Variants in SGCD observed in about 807,000 individuals in gnomAD.
SGCD encodes delta-sarcoglycan.
A neutral mutation model predicts 36.6 loss-of-function variants in SGCD; 18 were observed. The observed-to-expected ratio is 0.49, with a 90% CI of 0.34 to 0.73. The LOEUF is 0.73. SGCD is among the 30% of genes least tolerant of loss of function. SGCD has a pLI of 0.01. For missense variants in SGCD, 387 were observed against 346.7 expected, an observed-to-expected ratio of 1.12 and a Z score of -0.92; for synonymous variants, 133 against 130.6, an observed-to-expected ratio of 1.02 and a Z score of -0.12.
At chr5:155,899,342 G>A (rs184287343) in intron 1 of SGCD, among the ~76,000 whole-genome samples, 44 of 152,258 alleles carry the variant, frequency 2.9e-4, no homozygotes, top group African/African-American at 9.4e-4. Flanking sequence ...AATAATATCC[G>A]TGTGGCAGGT....
chr5:155,925,433 A>G (rs1248968825), intron 1 of SGCD, among the ~76,000 whole-genome samples: 1 of 152,184 alleles, frequency 6.6e-6, no homozygotes, highest in African/African-American at 2.4e-5. Context: ...TGCAGGCTCA[A>G]GCAAAGGATT....
chr5:156,251,482 T>C (rs1032703031), intron 3 of SGCD, among the ~76,000 whole-genome samples: 4 of 151,818 alleles, frequency 2.6e-5, no homozygotes, highest in Non-Finnish European at 5.9e-5. Flanking sequence ...TTCAGTGTTT[T>C]GTATTTTTGT....
Position 156,163,350 on chromosome 5 carries a change from G to A in SGCD, c.-44+39331G>A, listed in dbSNP as rs180805982. ...GAACCCTGTCAGAGTCCATGTTTCCGTAGGAGCCCATCAGAGCCATGGAGG... is the reference window on the plus strand; with the variant it reads ...GAACCCTGTCAGAGTCCATGTTTCCATAGGAGCCCATCAGAGCCATGGAGG... On this transcript the variant is annotated intron_variant, in intron 3 of 9. Transcript: ENST00000517913. Among the ~76,000 whole-genome samples the A allele has an allele frequency of 2.3e-4, 35 of 151,634 alleles. 1 individual carries two copies. Among genetic ancestry groups the A allele is most frequent in the African/African-American group, 7.8e-4 (32 of 40,992 alleles).
chr5:155,729,376 T>G, the SGCD span, among the ~76,000 whole-genome samples: 1 of 152,210 alleles, frequency 6.6e-6, no homozygotes, highest in Non-Finnish European at 1.5e-5. Context: ...CTAAGCGCGC[T>G]TCACTAAAGA....
At chr5:156,214,884 G>A (rs1764535077) in intron 3 of SGCD, among the ~76,000 whole-genome samples, 1 of 151,980 alleles carries the variant, frequency 6.6e-6, no homozygotes. Flanking sequence ...TGGGATAAAT[G>A]GATATCCACA....
At chr5:156,354,749 T>C (rs1769419729) in intron 3 of SGCD, among the ~76,000 whole-genome samples, 1 of 152,210 alleles carries the variant, frequency 6.6e-6, no homozygotes, top group East Asian at 1.9e-4. Flanking sequence ...CACAAGGATC[T>C]GTTCATGCTG....
chr5:156,503,059 T>G (rs1172270571), intron 3 of SGCD, among the ~76,000 whole-genome samples: 1 of 152,222 alleles, frequency 6.6e-6, no homozygotes, highest in Non-Finnish European at 1.5e-5. Context: ...TTTGGCATGT[T>G]TGAGGTGAGT....
At chr5:156,179,213 A>G (rs968170725) in intron 3 of SGCD, among the ~76,000 whole-genome samples, 1 of 151,904 alleles carries the variant, frequency 6.6e-6, no homozygotes, top group Non-Finnish European at 1.5e-5. Context: ...CTATATACAT[A>G]TAGTTTTTTT....
In SGCD at chr5:156,657,447, C is replaced by T. The variant is rs1365088890; in HGVS notation, c.575+9911C>T. On this transcript the variant is annotated intron_variant, in intron 7 of 8. Transcript: ENST00000337851. Reference sequence around the variant, plus strand: ...GAGTGTGATGTTCCCCTTCCTGTGTCCATGTGTTCTCATTAAAAACATACA... The same window carrying T: ...GAGTGTGATGTTCCCCTTCCTGTGTTCATGTGTTCTCATTAAAAACATACA... Among the ~76,000 whole-genome samples the T allele has an allele frequency of 2.1e-5, 3 of 139,848 alleles. No homozygotes were observed. In the East Asian group the frequency reaches 6.9e-4, roughly 32 times the overall value. The allele number at this position is 139,848 out of a possible 152,430, so 91.7% of individuals were successfully genotyped here. A position where few individuals can be genotyped will look rare whatever the true frequency, so the allele number is the denominator to read the frequency against.
intron 6 of SGCD, among the ~76,000 whole-genome samples, chr5:156,646,785 T>A (rs997898031): frequency 6.6e-6 from 1 of 152,196 alleles, no homozygotes; most frequent in Non-Finnish European, 1.5e-5. Flanking sequence ...ATCAGATAAT[T>A]GCTATCTTTA....
At chr5:156,606,288 T>C (rs1209660244) in intron 6 of SGCD, among the ~76,000 whole-genome samples, 1 of 152,224 alleles carries the variant, frequency 6.6e-6, no homozygotes, top group Non-Finnish European at 1.5e-5. Context: ...CCCAGCACCA[T>C]TTATTAAATA....
At chr5:156,054,968 G>GT (rs143927083) in intron 1 of SGCD, among the ~76,000 whole-genome samples, 3,870 of 145,974 alleles carry the variant, frequency 0.027, 380 homozygotes, top group African/African-American at 0.09. Flanking sequence ...CACTCATTCA[G>GT]TTTATAGGTG....
chr5:155,869,879 G>A (rs577378130), upstream of SGCD, among the ~76,000 whole-genome samples: 1 of 152,030 alleles, frequency 6.6e-6, no homozygotes, highest in Admixed American at 6.6e-5. Context: ...CATGCCTGTA[G>A]TCCCAGTGAC....
chr5:156,444,123 CCTCT>C lies in SGCD; in HGVS notation c.193-64466_193-64463del, dbSNP rs148882327. ...CTCTCTCTCTCTCTCTCTCCCCTTC[CCTCT>C]CTCTCTCTCTCCTTCCCTTTCTCTC... On this transcript the variant is annotated intron_variant, in intron 3 of 8. Coordinates refer to ENST00000337851, the MANE Select transcript of SGCD (RefSeq NM_000337.6). Among the ~76,000 whole-genome samples the C allele has an allele frequency of 4.4e-4, 19 of 42,968 alleles. 1 individual carries two copies. In the East Asian group the frequency reaches 9.5e-3, roughly 22 times the overall value. The allele number at this position is 42,968 out of a possible 152,430, so 28.2% of individuals were successfully genotyped here.
chr5:156,683,279 T>C (rs1467404997), intron 7 of SGCD, among the ~76,000 whole-genome samples: 2 of 152,240 alleles, frequency 1.3e-5, no homozygotes, highest in Admixed American at 6.5e-5. Context: ...CTTCTGCTTT[T>C]GTTGCACATT....
chr5:155,880,163 C>T (rs1198721354), intron 1 of SGCD, among the ~76,000 whole-genome samples: 1 of 152,110 alleles, frequency 6.6e-6, no homozygotes, highest in African/African-American at 2.4e-5. Flanking sequence ...AAATCCCCTC[C>T]TGATTTCAGT....
intron 3 of SGCD, among the ~76,000 whole-genome samples, chr5:156,496,986 T>A (rs887691786): frequency 6.6e-6 from 1 of 152,160 alleles, no homozygotes; most frequent in African/African-American, 2.4e-5. Context: ...TCTGATTTAA[T>A]CCTCAATTTA....
At chr5:156,396,594 C>T (rs1054817892) in intron 3 of SGCD, among the ~76,000 whole-genome samples, 8 of 151,962 alleles carry the variant, frequency 5.3e-5, no homozygotes, top group Admixed American at 2.0e-4. Flanking sequence ...TTGAGTGTTC[C>T]GCGGTGTGGA....
chr5:156,725,556 G>A (rs1413721707), intron 7 of SGCD, among the ~76,000 whole-genome samples: 1 of 152,220 alleles, frequency 6.6e-6, no homozygotes, highest in Non-Finnish European at 1.5e-5. Flanking sequence ...CTGTAAGACA[G>A]ATGATCCCTT....
Sources: allele counts gnomAD v4.1 joint callset (sites outside exome capture counted in the v4.1 genomes callset), GRCh38; gene constraint gnomAD v4.1.1; transcripts MANE v1.5; gene names NCBI Gene and HGNC (gene_info 2026-07-23, HGNC 2026-07-21).